CNTNAP4: variants seen among roughly 807,000 people sequenced by gnomAD.
CNTNAP4 encodes contactin-associated protein-like 4.
A neutral mutation model predicts 148.4 loss-of-function variants in CNTNAP4; 98 were observed. That is an observed-to-expected ratio of 0.66 (90% CI 0.56 to 0.78). CNTNAP4 has a LOEUF of 0.78. Among genes scored for constraint, CNTNAP4 ranks in the 30% least tolerant of loss-of-function variants. The pLI is 0.00. For synonymous variants in CNTNAP4, 730 were observed against 565.1 expected (o/e 1.29, Z -4.14); for missense variants, 1,935 against 1,565.6 (o/e 1.24, Z -3.98).
rs200820189 is a variant in CNTNAP4, at chr16:76,348,857, C to A, written c.197-6461C>A. On this transcript the variant is annotated intron_variant, in intron 2 of 23. Coordinates refer to ENST00000611870, the MANE Select transcript of CNTNAP4 (RefSeq NM_033401.5). ...GAAGACTGTTAACATTAAAAGAAGC[C>A]AAAAAAAAAAATAGAATGGGGTCAA... Among the ~76,000 whole-genome samples, 279 of 147,940 alleles carry A rather than the reference C, an allele frequency of 1.9e-3. 1 individual carries two copies. Among genetic ancestry groups the A allele is most frequent in the Non-Finnish European group, 2.4e-3 (161 of 67,074 alleles).
intron 2 of CNTNAP4, among the ~76,000 whole-genome samples, chr16:76,340,891 G>T (rs750245397): frequency 6.6e-6 from 1 of 152,126 alleles, no homozygotes; most frequent in Non-Finnish European, 1.5e-5. Context: ...TCCTCCAGTG[G>T]TGCTAATTTT....
chr16:76,327,937 G>A (rs147222981), intron 2 of CNTNAP4, among the ~76,000 whole-genome samples: 129 of 152,174 alleles, frequency 8.5e-4, no homozygotes, highest in African/African-American at 2.7e-3. Context: ...CCCTTCCTGC[G>A]TGCCACATCT....
intron 3 of CNTNAP4, among the ~76,000 whole-genome samples, chr16:76,397,799 G>A (rs2078252983): frequency 1.4e-5 from 2 of 146,914 alleles, no homozygotes; most frequent in South Asian, 2.2e-4. Flanking sequence ...GCATGTGTTT[G>A]TGTGTGTGTG....
intron 15 of CNTNAP4, among the ~76,000 whole-genome samples, chr16:76,513,765 C>A (rs937035201): frequency 6.6e-6 from 1 of 151,832 alleles, no homozygotes; most frequent in Admixed American, 6.6e-5. Flanking sequence ...TGTTAATTGC[C>A]GAGTTAAAAT....
chr16:76,395,005 T>C (rs1034098126), intron 3 of CNTNAP4, among the ~76,000 whole-genome samples: 3 of 152,152 alleles, frequency 2.0e-5, no homozygotes, highest in African/African-American at 7.2e-5. Context: ...ACTAGGCAAT[T>C]CGGTGGGACC....
intron 3 of CNTNAP4, among the ~76,000 whole-genome samples, chr16:76,392,589 C>T (rs2078065137): frequency 1.3e-5 from 2 of 152,100 alleles, no homozygotes; most frequent in African/African-American, 2.4e-5. Context: ...GTCCCCTCAC[C>T]ACATGTAGTG....
At chr16:76,314,002 A>G (rs1330381023) in intron 1 of CNTNAP4, among the ~76,000 whole-genome samples, 2 of 152,228 alleles carry the variant, frequency 1.3e-5, no homozygotes, top group Middle Eastern at 3.2e-3. Flanking sequence ...GGCTGAATAA[A>G]TTAAACATGT....
chr16:76,535,845 C>T, intron 18 of CNTNAP4, 61 bp downstream of exon 18: 2 of 1,525,166 alleles, frequency 1.3e-6, no homozygotes. Context: ...AAATGTCTGG[C>T]AGTTCTTTTC....
intron 1 of CNTNAP4, among the ~76,000 whole-genome samples, chr16:76,283,869 T>C (rs1057191412): frequency 6.6e-6 from 1 of 152,032 alleles, no homozygotes; most frequent in African/African-American, 2.4e-5. Context: ...TATTTTCATT[T>C]TGTTTTCACT....
intron 2 of CNTNAP4, among the ~76,000 whole-genome samples, chr16:76,354,655 A>G (rs1241112242): frequency 6.6e-6 from 1 of 152,184 alleles, no homozygotes; most frequent in Non-Finnish European, 1.5e-5. Context: ...AAAATTGAAA[A>G]TTTAATGATT....
chr16:76,442,777 T>C (rs1235594335), intron 4 of CNTNAP4, among the ~76,000 whole-genome samples: 1 of 152,084 alleles, frequency 6.6e-6, no homozygotes, highest in Non-Finnish European at 1.5e-5. Flanking sequence ...TCAAACCCTT[T>C]CCACTGGGCC....
At chr16:76,298,915 C>T (rs1322560313) in intron 1 of CNTNAP4, among the ~76,000 whole-genome samples, 1 of 152,098 alleles carries the variant, frequency 6.6e-6, no homozygotes, top group Non-Finnish European at 1.5e-5. Context: ...AAATCAGTTC[C>T]TCTTTAATGA....
chr16:76,299,579 C>T (rs1206288381), intron 1 of CNTNAP4, among the ~76,000 whole-genome samples: 4 of 152,096 alleles, frequency 2.6e-5, no homozygotes, highest in South Asian at 2.1e-4. Context: ...TTGTGGAAGT[C>T]AGTGTGGCGA....
chr16:76,385,452 C>T (rs1464145523), intron 3 of CNTNAP4, among the ~76,000 whole-genome samples: 4 of 151,766 alleles, frequency 2.6e-5, no homozygotes, highest in Non-Finnish European at 5.9e-5. Context: ...ATAGAAACAA[C>T]TGTAATTTTT....
rs147063666 is a variant in CNTNAP4 at position 76,318,429 on chromosome 16, A to G, written c.196+1906A>G. On this transcript the variant is annotated intron_variant, in intron 2 of 23. Coordinates refer to ENST00000611870, the MANE Select transcript of CNTNAP4 (RefSeq NM_033401.5). The stretch of plus-strand genomic sequence containing the variant: ...TCATTTTCATTCTTAATTCATTTCT[A>G]TGGCTCTTGGTAAAACACAATATCA... Among the ~76,000 whole-genome samples the G allele has an allele frequency of 9.5e-4, 145 of 152,208 alleles. 1 individual carries two copies. Among genetic ancestry groups the G allele is most frequent in the African/African-American group, 1.3e-3 (54 of 41,550 alleles).
intron 3 of CNTNAP4, among the ~76,000 whole-genome samples, chr16:76,414,726 G>C (rs1018590779): frequency 1.3e-5 from 2 of 151,224 alleles, no homozygotes; most frequent in African/African-American, 4.8e-5. Context: ...AGGTTTTCCT[G>C]TTCTCATCTG....
At chr16:76,460,773 A>AAAAAATATATATATAT in intron 8 of CNTNAP4, among the ~76,000 whole-genome samples, 1 of 57,324 alleles carries the variant, frequency 1.7e-5, no homozygotes, top group African/African-American at 6.4e-5. Context: ...AAAAAAAAAA[A>AAAAAATATATATATAT]ATATATATAT....
At chr16:76,395,440 T>C (rs2078167508) in intron 3 of CNTNAP4, among the ~76,000 whole-genome samples, 1 of 151,156 alleles carries the variant, frequency 6.6e-6, no homozygotes, top group African/African-American at 2.5e-5. Flanking sequence ...TAATTTTTTG[T>C]ATTTTTAGTA....
intron 17 of CNTNAP4, among the ~76,000 whole-genome samples, chr16:76,522,687 C>CTTTCTTTTCTTTTCT (rs71378619): frequency 0.032 from 939 of 29,806 alleles, 46 homozygotes; most frequent in Non-Finnish European, 0.041. Context: ...TCTTTCTCTC[C>CTTTCTTTTCTTTTCT]TTTCTTTTCT....
Sources: allele counts gnomAD v4.1 joint callset (sites outside exome capture counted in the v4.1 genomes callset), GRCh38; gene constraint gnomAD v4.1.1; transcripts MANE v1.5; gene names NCBI Gene and HGNC (gene_info 2026-07-23, HGNC 2026-07-21).